Variants in EGFL8 observed in about 807,000 individuals in gnomAD.
The protein encoded by EGFL8 is epidermal growth factor-like protein 8.
In EGFL8, 32 loss-of-function variants were observed where a neutral mutation model predicts 39.4. That is an observed-to-expected ratio of 0.81 (90% CI 0.61 to 1.09). The LOEUF is 1.09. Ranked by LOEUF, EGFL8 falls within the 50% of genes least tolerant of loss-of-function variation. EGFL8 has a pLI of 0.00. For missense variants in EGFL8, 385 were observed against 402.2 expected, an observed-to-expected ratio of 0.96 and a Z score of 0.37; for synonymous variants, 177 against 168.5, an observed-to-expected ratio of 1.05 and a Z score of -0.39.
chr6:32,166,528 G>T lies in EGFL8; in HGVS notation c.132G>T (p.Val44=). The change falls in exon 3 of 9, where the codon GTG becomes GTT. Residue 44 remains valine (V), a synonymous_variant. Coordinates refer to ENST00000333845, the MANE Select transcript of EGFL8 (RefSeq NM_030652.4). The surrounding 1 kb of genome is among the most constrained non-coding windows in gnomAD (Gnocchi z 7.3). ...SQGVCSKQTL[V]VPLHYNESYS... The stretch of plus-strand genomic sequence containing the variant: ...GAGTCTGCTCCAAGCAGACACTGGT[G>T]GTCCCGCTCCACTACAACGAGTCCT... The T allele has an allele frequency of 6.2e-7, 1 of 1,613,850 alleles. No homozygotes were observed. The highest frequency in any genetic ancestry group is 8.5e-7 in the Non-Finnish European group (1 of 1,180,018).
At position 32,166,591 on chromosome 6, in the gene EGFL8, C is replaced by T. The variant is rs371197629; in HGVS notation, c.195C>T (p.Cys65=). The T allele has an allele frequency of 1.7e-4, 269 of 1,614,070 alleles. No individual in the cohort carries two copies. Among genetic ancestry groups the T allele is most frequent in the Non-Finnish European group, 2.1e-4 (249 of 1,180,040 alleles). Residue 65 remains cysteine, a synonymous_variant, in exon 3 of 9, where the codon TGC becomes TGT. Coordinates refer to ENST00000333845, the MANE Select transcript of EGFL8 (RefSeq NM_030652.4). This position sits in a 1 kb window ranked among gnomAD's most constrained non-coding sequence, Gnocchi z 7.3. ...TGTACAAGCCCTACCTGACCTTGTG[C>T]GCTGGGAGGCGCATCTGCAGCACTT... ...QPVYKPYLTL[C]AGRRICSTYR... is the part of the protein sequence containing the mutation.
intron 1 of EGFL8, 199 bp from the exon 2 acceptor site, chr6:32,165,939 G>A: frequency 1.7e-6 from 1 of 604,408 alleles, no homozygotes; most frequent in Non-Finnish European, 3.0e-6. Flanking sequence ...CTTTTATGAT[G>A]CTGAAAGGAT....
rs981686624 is a variant in EGFL8 at position 32,166,913 on chromosome 6, T to A, written c.338T>A (p.Ile113Asn). The change falls in exon 5 of 9, where the codon ATC (isoleucine) becomes AAC (asparagine). Residue 113 changes from isoleucine (I) to asparagine (N), a missense_variant. Physicochemically the swap from Ile to Asn is moderately radical, Grantham distance 149 (BLOSUM62 -3). Coordinates refer to ENST00000333845, the MANE Select transcript of EGFL8 (RefSeq NM_030652.4). The surrounding 1 kb of genome is among the most constrained non-coding windows in gnomAD (Gnocchi z 7.3). ...RHPGALTCEA[I>N]CAKPCLNGGV... Reference sequence around the variant, plus strand: ...ACCCCACTTCCTCTGTCCTCAGCCATCTGCGCCAAGCCTTGCCTGAACGGA... The same window carrying A: ...ACCCCACTTCCTCTGTCCTCAGCCAACTGCGCCAAGCCTTGCCTGAACGGA... 3 of 1,610,794 alleles carry A rather than the reference T, an allele frequency of 1.9e-6. No individual in the cohort carries two copies. The African/African-American group carries it at 4.0e-5, about 22-fold the overall frequency.
At position 32,167,093 on chromosome 6, in the gene EGFL8, A is replaced by G. The variant is rs142520615; in HGVS notation, c.437A>G (p.Asp146Gly). ...TCCTTTTTTCGGTAACTAGACGTGG[A>G]TGAATGTAGGACCAGCATCACCCTC... is the stretch of plus-strand genomic sequence containing the variant. ...WGGKHCHVDVDECRTSITLCS... is the reference protein window; with the variant it reads ...WGGKHCHVDVGECRTSITLCS... The change falls in exon 6 of 9, where the codon GAT (aspartate) becomes GGT (glycine). Residue 146 changes from aspartate to glycine, a missense_variant. Asp to Gly is a moderately conservative substitution (Grantham distance 94, BLOSUM62 -1). Transcript: ENST00000333845. This position sits in a 1 kb window ranked among gnomAD's most constrained non-coding sequence, Gnocchi z 6.4. The G allele has an allele frequency of 4.6e-4, 746 of 1,612,862 alleles. 1 individual carries two copies. Among genetic ancestry groups the G allele is most frequent in the Non-Finnish European group, 6.0e-4 (713 of 1,180,036 alleles).
At position 32,164,710 on chromosome 6, in the gene EGFL8, A is replaced by G. The variant is rs762747238; in HGVS notation, c.-29+53A>G. 1.3e-5 allele frequency: 9 copies of G among 710,692 alleles called. No homozygotes were observed. The highest frequency in any genetic ancestry group is 2.1e-5 in the Non-Finnish European group (8 of 382,294). The allele number at this position is 710,692 out of a possible 1,614,324, so 44.0% of individuals were successfully genotyped here. ...AGTGGGGAGAGAATTTCAAATGGGG[A>G]AAGAGTGGGGTTTACTCAGAGCCTT... On this transcript the variant is annotated intron_variant, in intron 1 of 8. Coordinates refer to ENST00000333845, the MANE Select transcript of EGFL8 (RefSeq NM_030652.4). This position sits in a 1 kb window ranked among gnomAD's most constrained non-coding sequence, Gnocchi z 5.4.
chr6:32,166,354 TG>T lies in EGFL8; in HGVS notation c.101+89del. 1.3e-6 allele frequency: 2 copies of T among 1,590,952 alleles called. No individual in the cohort carries two copies. The highest frequency in any genetic ancestry group is 1.7e-6 in the Non-Finnish European group (2 of 1,161,974). ...GGCTTCACAGGAGGCAAAACATAAC[TG>T]TAAGTTTAGAATGGGGGTGAGAGGC... On this transcript the variant is annotated intron_variant, in intron 2 of 8. Coordinates refer to ENST00000333845, the MANE Select transcript of EGFL8 (RefSeq NM_030652.4). This position sits in a 1 kb window ranked among gnomAD's most constrained non-coding sequence, Gnocchi z 7.3.
At position 32,166,904 on chromosome 6, in the gene EGFL8, C is replaced by T; in HGVS notation, c.335-6C>T. 1 of 1,609,322 alleles carries T rather than the reference C, an allele frequency of 6.2e-7. No homozygotes were observed. Among genetic ancestry groups the T allele is most frequent in the Non-Finnish European group, 8.5e-7 (1 of 1,176,998 alleles). On this transcript the variant is annotated splice_polypyrimidine_tract_variant and splice_region_variant and intron_variant, in intron 4 of 8. Transcript: ENST00000333845. The surrounding 1 kb of genome is among the most constrained non-coding windows in gnomAD (Gnocchi z 7.3). The stretch of plus-strand genomic sequence containing the variant: ...TGAGTCTGAACCCCACTTCCTCTGT[C>T]CTCAGCCATCTGCGCCAAGCCTTGC...
In EGFL8 at chr6:32,166,820, G is replaced by A. The variant is rs1271169598; in HGVS notation, c.334+10G>A. 3 of 1,572,548 alleles carry A rather than the reference G, an allele frequency of 1.9e-6. No homozygotes were observed. Among genetic ancestry groups the A allele is most frequent in the African/African-American group, 2.7e-5 (2 of 73,656 alleles). ...GCGCTCACCTGTGAAGGTGAGGCTG[G>A]GTCTTCCGGGCCTTGCGGGAGGCGC... On this transcript the variant is annotated intron_variant, in intron 4 of 8. Transcript: ENST00000333845. The surrounding 1 kb of genome is among the most constrained non-coding windows in gnomAD (Gnocchi z 7.3).
chr6:32,165,576 C>CA (rs9281665), intron 1 of EGFL8: 33,088 of 137,858 alleles, frequency 0.24, 4,385 homozygotes, highest in Middle Eastern at 0.39. Context: ...AAAAAAAAAC[C>CA]AAAAAAAAAA....
Position 32,164,795 on chromosome 6 carries a change from A to G in EGFL8, c.-29+138A>G. On this transcript the variant is annotated intron_variant, in intron 1 of 8. Coordinates refer to ENST00000333845, the MANE Select transcript of EGFL8 (RefSeq NM_030652.4). The surrounding 1 kb of genome is among the most constrained non-coding windows in gnomAD (Gnocchi z 5.4). ...GCAAGGGATGTGCATTTAGGGCGTT[A>G]TGTGACGGTGTGGGTATATGAGGGG... The G allele has an allele frequency of 1.6e-6, 1 of 634,216 alleles. No homozygotes were observed. The allele number at this position is 634,216 out of a possible 1,614,324, so 39.3% of individuals were successfully genotyped here.
chr6:32,165,992 G>A (rs1278985680), intron 1 of EGFL8, 146 bp from the exon 2 acceptor site: 1 of 668,706 alleles, frequency 1.5e-6, no homozygotes, highest in Non-Finnish European at 2.7e-6. Context: ...TGTACACACA[G>A]GTGTAGGCAA....
chr6:32,166,493 CGCAGTCAGGGAGTCTGCTCCAA>C lies in EGFL8; in HGVS notation c.102_123del (p.Ser34ArgfsTer22). 6 of 1,613,456 alleles carry C rather than the reference CGCAGTCAGGGAGTCTGCTCCAA, an allele frequency of 3.7e-6. No individual in the cohort carries two copies. Among genetic ancestry groups the C allele is most frequent in the Non-Finnish European group, 5.1e-6 (6 of 1,180,024 alleles). On this transcript the variant is annotated splice_acceptor_variant and splice_polypyrimidine_tract_variant and coding_sequence_variant and intron_variant, in exon 3 of 9. Transcript: ENST00000333845. LOFTEE classifies it high-confidence loss of function. The surrounding 1 kb of genome is among the most constrained non-coding windows in gnomAD (Gnocchi z 7.3). ...CTCCCACCTCATCCTCTGGCATGGA[CGCAGTCAGGGAGTCTGCTCCAA>C]GCAGACACTGGTGGTCCCGCTCCAC... is the stretch of plus-strand genomic sequence containing the variant.
In EGFL8 at chr6:32,166,809, A is replaced by G. The variant is rs1307728579; in HGVS notation, c.333A>G (p.Glu111=). 6 of 1,572,268 alleles carry G rather than the reference A, an allele frequency of 3.8e-6. No homozygotes were observed. The African/African-American group carries it at 4.1e-5, about 11-fold the overall frequency. The change falls in exon 4 of 9, where the codon GAA becomes GAG. Residue 111 remains glutamate, a splice_region_variant and synonymous_variant. Coordinates refer to ENST00000333845, the MANE Select transcript of EGFL8 (RefSeq NM_030652.4). The surrounding 1 kb of genome is among the most constrained non-coding windows in gnomAD (Gnocchi z 7.3). ...KKRHPGALTC[E]AICAKPCLNG... is the part of the protein sequence containing the mutation. ...GGCACCCGGGGGCGCTCACCTGTGA[A>G]GGTGAGGCTGGGTCTTCCGGGCCTT...
chr6:32,167,024 C>T lies in EGFL8; in HGVS notation c.430+19C>T. Reference sequence around the variant, plus strand: ...CATGTGGGTGAGTCAGCTTGTCCTCCCCACCTACCCAGGTGCTTGCCCCCG... The same window carrying T: ...CATGTGGGTGAGTCAGCTTGTCCTCTCCACCTACCCAGGTGCTTGCCCCCG... On this transcript the variant is annotated intron_variant, in intron 5 of 8. Transcript: ENST00000333845. The surrounding 1 kb of genome is among the most constrained non-coding windows in gnomAD (Gnocchi z 6.4). 6.2e-7 allele frequency: 1 copy of T among 1,612,992 alleles called. No individual in the cohort carries two copies. The highest frequency in any genetic ancestry group is 8.5e-7 in the Non-Finnish European group (1 of 1,179,972).
rs773176213 is a variant in EGFL8 at position 32,166,481 on chromosome 6, C to A, written c.102-17C>A. ...CCTACTCAATCTCTCCCACCTCATC[C>A]TCTGGCATGGACGCAGTCAGGGAGT... On this transcript the variant is annotated splice_polypyrimidine_tract_variant and intron_variant, in intron 2 of 8. Transcript: ENST00000333845. This position sits in a 1 kb window ranked among gnomAD's most constrained non-coding sequence, Gnocchi z 7.3. 6.2e-7 allele frequency: 1 copy of A among 1,613,238 alleles called. No homozygotes were observed. Among genetic ancestry groups the A allele is most frequent in the African/African-American group, 1.3e-5 (1 of 74,930 alleles).
rs759756448 is a variant in EGFL8, at chr6:32,166,133, T to G, written c.-28-5T>G. 1 of 1,611,648 alleles carries G rather than the reference T, an allele frequency of 6.2e-7. No homozygotes were observed. The highest frequency in any genetic ancestry group is 8.5e-7 in the Non-Finnish European group (1 of 1,177,770). ...GGGCATCCATTAACCTTTTCTTGCCTGCAGCCTGTAGGGTCCAGCGTCAAA... is the reference window on the plus strand; with the variant it reads ...GGGCATCCATTAACCTTTTCTTGCCGGCAGCCTGTAGGGTCCAGCGTCAAA... On this transcript the variant is annotated splice_polypyrimidine_tract_variant and splice_region_variant and intron_variant, in intron 1 of 8. Coordinates refer to ENST00000333845, the MANE Select transcript of EGFL8 (RefSeq NM_030652.4). The surrounding 1 kb of genome is among the most constrained non-coding windows in gnomAD (Gnocchi z 7.3).
Position 32,167,170 on chromosome 6 carries a change from C to T in EGFL8, c.514C>T (p.His172Tyr), listed in dbSNP as rs988632467. 1 of 1,613,108 alleles carries T rather than the reference C, an allele frequency of 6.2e-7. No homozygotes were observed. ...TAGSFTCGCP[H>Y]DLVLGVDGRT... The stretch of plus-strand genomic sequence containing the variant: ...AGGCAGCTTCACCTGCGGCTGCCCC[C>T]ATGACCTAGTGCTAGGCGTGGACGG... The change falls in exon 6 of 9, where the codon CAT becomes TAT. Residue 172 changes from histidine to tyrosine, a missense_variant. Transcript: ENST00000333845. This position sits in a 1 kb window ranked among gnomAD's most constrained non-coding sequence, Gnocchi z 6.4.
At chr6:32,165,883 G>A (rs1458056487) in intron 1 of EGFL8, 3 of 545,280 alleles carry the variant, frequency 5.5e-6, no homozygotes, top group African/African-American at 3.7e-5. Flanking sequence ...GGGATTAGAA[G>A]TAAGTAGGTT....
In EGFL8 at chr6:32,166,994, A is replaced by C; in HGVS notation, c.419A>C (p.His140Pro). Residue 140 changes from histidine (H) to proline (P), a missense_variant, in exon 5 of 9, where the codon CAC becomes CCC. His to Pro is a moderately conservative substitution (Grantham distance 77). Coordinates refer to ENST00000333845, the MANE Select transcript of EGFL8 (RefSeq NM_030652.4). This position sits in a 1 kb window ranked among gnomAD's most constrained non-coding sequence, Gnocchi z 7.3. ...CECAPGWGGKHCHVDVDECRT... is the reference protein window; with the variant it reads ...CECAPGWGGKPCHVDVDECRT... ...TGCGCCCCCGGCTGGGGAGGGAAGC[A>C]CTGTCATGTGGGTGAGTCAGCTTGT... 6.2e-7 allele frequency: 1 copy of C among 1,613,028 alleles called. No homozygotes were observed. The highest frequency in any genetic ancestry group is 1.1e-5 in the South Asian group (1 of 91,080).
Sources: allele counts gnomAD v4.1 joint callset, GRCh38; gene constraint gnomAD v4.1.1; non-coding constraint Gnocchi (gnomAD v3.1); transcripts MANE v1.5; gene names NCBI Gene and HGNC (gene_info 2026-07-23, HGNC 2026-07-21).